The following COL4A2 variants were observed in gnomAD, a reference collection of about 807,000 sequenced individuals.
The protein encoded by COL4A2 is collagen alpha-2(IV) chain.
COL4A2 carries 99 observed loss-of-function variants against 200.2 expected under a neutral mutation model. The observed-to-expected ratio is 0.49, with a 90% CI of 0.42 to 0.58. The LOEUF (loss-of-function observed/expected upper bound fraction) is 0.58, where lower values mean the gene tolerates loss of function less well. COL4A2 is among the 20% of genes least tolerant of loss of function. The probability of loss-of-function intolerance (pLI) is 0.00; values close to 1 mark genes in which losing one functional copy is unlikely to be tolerated. For missense variants in COL4A2, 1,950 were observed against 2,314.1 expected, an observed-to-expected ratio of 0.84 and a Z score of 3.23; for synonymous variants, 897 against 900.6, an observed-to-expected ratio of 1.00 and a Z score of 0.07.
intron 18 of COL4A2, 151 bp downstream of exon 18, chr13:110,447,015 G>A (rs1178424016): frequency 6.1e-6 from 3 of 488,996 alleles, no homozygotes; most frequent in Non-Finnish European, 9.9e-6. Flanking sequence ...AATAAACCAC[G>A]AAATTTAGAA....
intron 13 of COL4A2, among the ~76,000 whole-genome samples, 155 bp from the exon 14 acceptor site, chr13:110,437,847 C>T (rs1318167669): frequency 6.6e-6 from 1 of 152,200 alleles, no homozygotes; most frequent in Non-Finnish European, 1.5e-5. Flanking sequence ...AATTTTGAAG[C>T]TGCAAAATTT....
rs111605989 is a variant in COL4A2 at position 110,450,527 on chromosome 13, T to G, written c.1339+73T>G. The G allele has an allele frequency of 2.0e-4, 317 of 1,558,908 alleles. No individual in the cohort carries two copies. In the African/African-American group the frequency reaches 3.7e-3, roughly 18 times the overall value. ...AAGCCCGGTCCCAGCCGGATGTTAT[T>G]TGGGATTCTCTGCTAAATGACTCTG... is the stretch of plus-strand genomic sequence containing the variant. On this transcript the variant is annotated intron_variant, in intron 20 of 47. Transcript: ENST00000360467.
intron 4 of COL4A2, among the ~76,000 whole-genome samples, chr13:110,398,116 T>C (rs1241393071): frequency 6.7e-6 from 1 of 149,348 alleles, no homozygotes; most frequent in Non-Finnish European, 1.5e-5. Flanking sequence ...TTTTTTTTCC[T>C]ACTGCTTCCT....
chr13:110,326,178 T>C (rs144081262), intron 3 of COL4A2, among the ~76,000 whole-genome samples: 8 of 152,336 alleles, frequency 5.3e-5, no homozygotes, highest in African/African-American at 1.7e-4. Context: ...TTCAAATTCA[T>C]CTCCATCAGT....
intron 31 of COL4A2, 70 bp downstream of exon 31, chr13:110,480,460 A>G: frequency 6.7e-7 from 1 of 1,490,490 alleles, no homozygotes; most frequent in Non-Finnish European, 9.0e-7. Context: ...GACCTGAGAC[A>G]GCTCTGCTGG....
intron 4 of COL4A2, among the ~76,000 whole-genome samples, chr13:110,404,450 A>T (rs1879489013): frequency 6.6e-6 from 1 of 152,212 alleles, no homozygotes; most frequent in South Asian, 2.1e-4. Context: ...CTACTCTCTC[A>T]GAATTCACTG....
intron 4 of COL4A2, among the ~76,000 whole-genome samples, chr13:110,401,981 C>T (rs1879387778): frequency 6.6e-6 from 1 of 152,196 alleles, no homozygotes; most frequent in African/African-American, 2.4e-5. Flanking sequence ...AAGGCACCAC[C>T]TCTCAATACC....
rs1882964227 is a variant in COL4A2, at chr13:110,482,375, G to A, written c.2759-141G>A. The A allele has an allele frequency of 1.1e-5, 9 of 855,644 alleles. No individual in the cohort carries two copies. In the South Asian group the frequency reaches 1.5e-4, roughly 14 times the overall value. The allele number at this position is 855,644 out of a possible 1,614,324, so 53.0% of individuals were successfully genotyped here. The stretch of plus-strand genomic sequence containing the variant: ...AACAGAGAGAAGTTGCTTAGAAGAT[G>A]GTGTCCCCGGAAATCCCTATTTTAG... On this transcript the variant is annotated intron_variant, in intron 31 of 47. Coordinates refer to ENST00000360467, the MANE Select transcript of COL4A2 (RefSeq NM_001846.4).
intron 4 of COL4A2, among the ~76,000 whole-genome samples, chr13:110,400,865 G>T (rs1566513049): frequency 6.6e-6 from 1 of 152,072 alleles, no homozygotes; most frequent in Non-Finnish European, 1.5e-5. Context: ...GTAAGTATTG[G>T]CAGAGAGATA....
rs373605735 is a variant in COL4A2, at chr13:110,482,705, C to T, written c.2902+46C>T. On this transcript the variant is annotated intron_variant, in intron 32 of 47. Coordinates refer to ENST00000360467, the MANE Select transcript of COL4A2 (RefSeq NM_001846.4). ...CCTCCTTACCTGGTCATGGTGGCAT[C>T]CTCCTTACCCTTTCTTGGTGGCATA... is the stretch of plus-strand genomic sequence containing the variant. 42 of 1,572,862 alleles carry T rather than the reference C, an allele frequency of 2.7e-5. No individual in the cohort carries two copies. In the African/African-American group the frequency reaches 5.4e-4, roughly 20 times the overall value.
chr13:110,448,717 A>G (rs1881417075), intron 18 of COL4A2, among the ~76,000 whole-genome samples: 1 of 121,776 alleles, frequency 8.2e-6, no homozygotes, highest in Non-Finnish European at 1.9e-5. Flanking sequence ...TTTTTATGGA[A>G]TCAACAATGG....
In COL4A2 at chr13:110,503,447, C is replaced by CCCCAAGGGA; in HGVS notation, c.4114_4122dup (p.Pro1372_Gly1374dup). 1 of 1,579,952 alleles carries CCCCAAGGGA rather than the reference C, an allele frequency of 6.3e-7. No homozygotes were observed. ...CCACTGGGGCGGTGGGCGACAGAGG[C>CCCCAAGGGA]CCCAAGGGACCCAAGGGAGACCCAG... On this transcript the variant is annotated inframe_insertion, in exon 43 of 48. Coordinates refer to ENST00000360467, the MANE Select transcript of COL4A2 (RefSeq NM_001846.4).
At chr13:110,441,505 A>G (rs1370741693) in intron 16 of COL4A2, among the ~76,000 whole-genome samples, 1 of 152,222 alleles carries the variant, frequency 6.6e-6, no homozygotes, top group African/African-American at 2.4e-5. Context: ...GCTTTGCCGT[A>G]ATCACACCCA....
intron 3 of COL4A2, 77 bp downstream of exon 3, chr13:110,308,200 C>G: frequency 1.3e-6 from 2 of 1,521,396 alleles, no homozygotes; most frequent in East Asian, 2.3e-5. Flanking sequence ...GAGAAGGCAG[C>G]TCGTCCGTGC....
At position 110,424,810 on chromosome 13, in the gene COL4A2, G is replaced by A. The variant is rs751272301; in HGVS notation, c.257G>A (p.Arg86His). ...CAAGGATTCCCGGGACTGCAGGGAC[G>A]TAAAGGAGACAAGGGTGAAAGGGGA... Reference protein sequence around the residue: ...GLQGFPGLQGRKGDKGERGAP... With the variant: ...GLQGFPGLQGHKGDKGERGAP... Residue 86 changes from arginine to histidine, a missense_variant, in exon 5 of 48, where the codon CGT becomes CAT. Around this residue, in one of 2 missense-constraint regions of COL4A2, gnomAD observed 565 missense variants for 593.5 expected, o/e 0.95. Coordinates refer to ENST00000360467, the MANE Select transcript of COL4A2 (RefSeq NM_001846.4). The A allele has an allele frequency of 4.5e-5, 73 of 1,613,808 alleles. 1 individual carries two copies. Among genetic ancestry groups the A allele is most frequent in the Middle Eastern group, 3.3e-4 (2 of 6,084 alleles).
intron 32 of COL4A2, among the ~76,000 whole-genome samples, chr13:110,483,687 C>T (rs1377309376): frequency 3.0e-5 from 4 of 131,504 alleles, no homozygotes; most frequent in East Asian, 1.9e-4. Flanking sequence ...AAAGTGGATT[C>T]GCAGTTTCCT....
intron 4 of COL4A2, among the ~76,000 whole-genome samples, chr13:110,397,533 G>A (rs544807856): frequency 1.1e-4 from 17 of 152,310 alleles, no homozygotes; most frequent in Admixed American, 9.8e-4. Context: ...CATCGTAGGT[G>A]GCATATTTCA....
rs61970306 is a variant in COL4A2 at position 110,493,063 on chromosome 13, G to A, written c.3563-148G>A. 13 of 501,434 alleles carry A rather than the reference G, an allele frequency of 2.6e-5. No individual in the cohort carries two copies. The African/African-American group carries it at 2.9e-4, about 11-fold the overall frequency. 31.1% of individuals were successfully genotyped at this position (501,434 alleles called of 1,614,324 possible). A position where few individuals can be genotyped will look rare whatever the true frequency, so the allele number is the denominator to read the frequency against. ...GTGACACCCCCACAGGTGAAATAAC[G>A]ATGAGTGACACCCCCATGGGTGAAA... On this transcript the variant is annotated intron_variant, in intron 38 of 47. Transcript: ENST00000360467.
At chr13:110,384,078 C>T (rs937534127) in intron 4 of COL4A2, among the ~76,000 whole-genome samples, 2 of 152,128 alleles carry the variant, frequency 1.3e-5, no homozygotes, top group African/African-American at 2.4e-5. Context: ...TGTTCACTGC[C>T]GCATACAGGA....
Sources: gnomAD v4.1 joint callset for allele counts (sites outside exome capture counted in the v4.1 genomes callset) on GRCh38, gnomAD v4.1.1 for gene constraint, gnomAD v4.1.1 regional missense constraint, MANE v1.5 for transcripts, NCBI Gene and HGNC (gene_info 2026-07-23, HGNC 2026-07-21) for gene names.